Variants in GRK5 observed in about 807,000 individuals in gnomAD.
GRK5 encodes the protein g protein-coupled receptor kinase GRK5.
Under a neutral mutation model 78.4 loss-of-function variants are expected in GRK5, and 40 were observed. That is an observed-to-expected ratio of 0.51 (90% CI 0.40 to 0.66). The LOEUF is 0.66. GRK5 is among the 30% of genes least tolerant of loss of function. GRK5 has a pLI of 0.00. For missense variants in GRK5, 598 were observed against 759.9 expected (o/e 0.79, Z 2.50); for synonymous variants, 289 against 296.8 (o/e 0.97, Z 0.27).
chr10:119,452,660 G>A lies in GRK5; in HGVS notation c.1405-11G>A. 6.2e-7 allele frequency: 1 copy of A among 1,613,828 alleles called. No individual in the cohort carries two copies. The highest frequency in any genetic ancestry group is 1.1e-5 in the South Asian group (1 of 91,082). The stretch of plus-strand genomic sequence containing the variant: ...GGGACATATGTGTGACCGGCCCTCT[G>A]CCCCTGGCAGCCCCGCGCTGTGTAC... On this transcript the variant is annotated splice_polypyrimidine_tract_variant and intron_variant, in intron 13 of 15. Coordinates refer to ENST00000392870, the MANE Select transcript of GRK5 (RefSeq NM_005308.3). The surrounding 1 kb of genome is among the most constrained non-coding windows in gnomAD (Gnocchi z 4.4).
intron 1 of GRK5, among the ~76,000 whole-genome samples, chr10:119,211,240 G>A (rs1848481768): frequency 6.6e-6 from 1 of 152,172 alleles, no homozygotes; most frequent in Non-Finnish European, 1.5e-5. Flanking sequence ...AGGAAAAAAA[G>A]AAAGAAGTTG....
At chr10:119,450,457 C>T (rs1323152510) in intron 13 of GRK5, among the ~76,000 whole-genome samples, 1 of 152,188 alleles carries the variant, frequency 6.6e-6, no homozygotes, top group Non-Finnish European at 1.5e-5. Context: ...AAATACGAGT[C>T]ACAAGAGAAG....
chr10:119,217,597 G>C lies in GRK5; in HGVS notation c.52+9628G>C, dbSNP rs553563447. On this transcript the variant is annotated intron_variant, in intron 1 of 15. Transcript: ENST00000392870. This position sits in a 1 kb window ranked among gnomAD's most constrained non-coding sequence, Gnocchi z 4.1. The stretch of plus-strand genomic sequence containing the variant: ...TAGTGGCCAACGAATTGCCCCCAAG[G>C]GACTGGATGTGAAGCCCCATGGGTG... Among the ~76,000 whole-genome samples, 2 of 152,336 alleles carry C rather than the reference G, an allele frequency of 1.3e-5. No homozygotes were observed. The highest frequency in any genetic ancestry group is 4.8e-5 in the African/African-American group (2 of 41,590).
chr10:119,437,704 T>A (rs1852950847), intron 9 of GRK5, among the ~76,000 whole-genome samples: 1 of 152,206 alleles, frequency 6.6e-6, no homozygotes, highest in Non-Finnish European at 1.5e-5. Context: ...TTTTTTTGCC[T>A]GAAAGTCTTT....
intron 9 of GRK5, among the ~76,000 whole-genome samples, chr10:119,439,196 C>G (rs1292565289): frequency 6.6e-6 from 1 of 152,276 alleles, no homozygotes; most frequent in Admixed American, 6.5e-5. Context: ...GATAAGGCAG[C>G]CACACCTATG....
intron 1 of GRK5, among the ~76,000 whole-genome samples, chr10:119,258,563 T>A (rs1849323458): frequency 6.6e-6 from 1 of 152,214 alleles, no homozygotes. Context: ...TGAGCATTCA[T>A]TATCTTTCAT....
At chr10:119,307,654 C>T (rs545568795) in intron 1 of GRK5, among the ~76,000 whole-genome samples, 10 of 152,278 alleles carry the variant, frequency 6.6e-5, no homozygotes, top group Admixed American at 6.5e-4. Context: ...AGACTTCTGA[C>T]TTCTAGAACT....
At chr10:119,313,952 C>T (rs1046198660) in intron 1 of GRK5, among the ~76,000 whole-genome samples, 1 of 152,232 alleles carries the variant, frequency 6.6e-6, no homozygotes, top group Non-Finnish European at 1.5e-5. Context: ...CACCTGCCCA[C>T]AGACCGCAGG....
At chr10:119,221,973 G>A (rs1376033537) in intron 1 of GRK5, among the ~76,000 whole-genome samples, 9 of 152,128 alleles carry the variant, frequency 5.9e-5, no homozygotes, top group Non-Finnish European at 1.3e-4. Context: ...AGTTGCCCTT[G>A]GATTTTGCAT....
At chr10:119,222,846 G>A (rs571748189) in intron 1 of GRK5, among the ~76,000 whole-genome samples, 8 of 152,288 alleles carry the variant, frequency 5.3e-5, no homozygotes, top group African/African-American at 1.7e-4. Flanking sequence ...CCTTCCTTCC[G>A]CAAAGAAGGG....
chr10:119,378,443 G>C lies in GRK5; in HGVS notation c.149-2372G>C, dbSNP rs567867334. Among the ~76,000 whole-genome samples the C allele has an allele frequency of 2.6e-5, 4 of 152,334 alleles. No individual in the cohort carries two copies. Among genetic ancestry groups the C allele is most frequent in the South Asian group, 2.1e-4 (1 of 4,834 alleles). ...ACTCGGGAGAGAATGAAACGTTTTA[G>C]AGTGCCTTCTTCAACATACGCTACT... On this transcript the variant is annotated intron_variant, in intron 2 of 15. Transcript: ENST00000392870. This position sits in a 1 kb window ranked among gnomAD's most constrained non-coding sequence, Gnocchi z 4.5.
chr10:119,368,842 C>T (rs371604949), intron 2 of GRK5, among the ~76,000 whole-genome samples: 109 of 152,356 alleles, frequency 7.2e-4, no homozygotes, highest in African/African-American at 2.4e-3. Flanking sequence ...CTGACCCTTT[C>T]GTTGCCTTGG....
At chr10:119,449,839 G>A (rs1853239638) in intron 13 of GRK5, among the ~76,000 whole-genome samples, 1 of 152,222 alleles carries the variant, frequency 6.6e-6, no homozygotes. Flanking sequence ...ATCTGCAGAT[G>A]AGCTTGAGCA....
chr10:119,410,324 G>A (rs1314289227), intron 4 of GRK5, among the ~76,000 whole-genome samples: 2 of 152,050 alleles, frequency 1.3e-5, no homozygotes, highest in East Asian at 1.9e-4. Flanking sequence ...ATCTTCCCTC[G>A]CTTCCCGACC....
At chr10:119,327,963 C>G (rs574427250) in intron 2 of GRK5, among the ~76,000 whole-genome samples, 1 of 152,336 alleles carries the variant, frequency 6.6e-6, no homozygotes, top group East Asian at 1.9e-4. Flanking sequence ...GGGTTCAGAT[C>G]CTGCCCTCTC....
intron 2 of GRK5, among the ~76,000 whole-genome samples, chr10:119,366,998 G>A (rs1022611620): frequency 2.6e-5 from 4 of 152,172 alleles, no homozygotes; most frequent in African/African-American, 7.2e-5. Flanking sequence ...ACCTGTTCTG[G>A]AAGGCTGTTG....
At chr10:119,339,524 G>C (rs1295506144) in intron 2 of GRK5, among the ~76,000 whole-genome samples, 1 of 152,118 alleles carries the variant, frequency 6.6e-6, no homozygotes, top group African/African-American at 2.4e-5. Flanking sequence ...TACCCGAAAG[G>C]CAGGAGTGGG....
At chr10:119,214,222 G>A (rs1848533220) in intron 1 of GRK5, among the ~76,000 whole-genome samples, 1 of 152,162 alleles carries the variant, frequency 6.6e-6, no homozygotes, top group South Asian at 2.1e-4. Context: ...TGATCTGCCT[G>A]CCTTGGCCTC....
intron 4 of GRK5, among the ~76,000 whole-genome samples, chr10:119,415,081 C>CAAA (rs762165768): frequency 1.2e-3 from 88 of 75,370 alleles, no homozygotes; most frequent in South Asian, 1.9e-3. Context: ...GACTCTGTCT[C>CAAA]AAAAAAAAAA....
Sources: gnomAD v4.1 joint callset for allele counts (sites outside exome capture counted in the v4.1 genomes callset) on GRCh38, gnomAD v4.1.1 for gene constraint, Gnocchi (gnomAD v3.1) non-coding constraint, MANE v1.5 for transcripts, NCBI Gene and HGNC (gene_info 2026-07-23, HGNC 2026-07-21) for gene names.